Variants in CPED1 observed in about 807,000 individuals in gnomAD.
The protein encoded by CPED1 is cadherin-like and PC-esterase domain-containing protein 1.
In CPED1, 114 loss-of-function variants were observed where a neutral mutation model predicts 128.2. That is an observed-to-expected ratio of 0.89 (90% CI 0.76 to 1.04). The LOEUF is 1.04. Among genes scored for constraint, CPED1 ranks in the 50% least tolerant of loss-of-function variants. The pLI is 0.00. For synonymous variants in CPED1, 462 were observed against 426.7 expected (o/e 1.08, Z -1.02); for missense variants, 1,211 against 1,207.1 (o/e 1.00, Z -0.05).
chr7:121,116,989 CACAT>C (rs1795255455), intron 7 of CPED1, among the ~76,000 whole-genome samples: 2 of 147,692 alleles, frequency 1.4e-5, no homozygotes, highest in Non-Finnish European at 3.0e-5. Context: ...CACACACACA[CACAT>C]ATATATACAC....
intron 16 of CPED1, among the ~76,000 whole-genome samples, chr7:121,185,197 G>T (rs898150509): frequency 1.3e-5 from 2 of 152,058 alleles, no homozygotes; most frequent in Non-Finnish European, 2.9e-5. Flanking sequence ...ACAGTAGAAG[G>T]TTCCTGGAAA....
At chr7:121,245,751 C>T (rs1374159431) in intron 18 of CPED1, among the ~76,000 whole-genome samples, 7 of 147,806 alleles carry the variant, frequency 4.7e-5, no homozygotes, top group South Asian at 2.1e-4. Flanking sequence ...AGTGCAATGG[C>T]GTGATCTCAG....
At chr7:121,122,166 A>T (rs1795407467) in intron 7 of CPED1, among the ~76,000 whole-genome samples, 1 of 141,510 alleles carries the variant, frequency 7.1e-6, no homozygotes, top group Non-Finnish European at 1.5e-5. Flanking sequence ...TTTGAGACAG[A>T]GTCTCGCTCT....
chr7:121,080,765 G>A (rs7790569), intron 5 of CPED1, among the ~76,000 whole-genome samples: 136,195 of 152,090 alleles, frequency 0.9, 61,018 homozygotes, highest in Middle Eastern at 0.99. Context: ...TGAGAGGGAG[G>A]GAGAGAGTTT....
intron 3 of CPED1, among the ~76,000 whole-genome samples, chr7:121,025,353 TG>T (rs1792550843): frequency 6.6e-6 from 1 of 152,192 alleles, no homozygotes; most frequent in African/African-American, 2.4e-5. Flanking sequence ...AACTCCTTTT[TG>T]TTAGGAAATT....
chr7:121,224,628 T>C (rs1797958165), intron 16 of CPED1, among the ~76,000 whole-genome samples: 1 of 152,130 alleles, frequency 6.6e-6, no homozygotes, highest in Non-Finnish European at 1.5e-5. Flanking sequence ...ACTTGCTTTA[T>C]GAATCTGGGT....
intron 16 of CPED1, among the ~76,000 whole-genome samples, chr7:121,158,837 T>C (rs543911010): frequency 6.2e-4 from 95 of 152,300 alleles, no homozygotes; most frequent in Middle Eastern, 6.8e-3. Context: ...GACACTTCCA[T>C]GTGTAACTAG....
At chr7:121,047,046 C>G in intron 4 of CPED1, 53 bp downstream of exon 4, 15 of 1,043,118 alleles carry the variant, frequency 1.4e-5, no homozygotes, top group Non-Finnish European at 2.1e-5. Context: ...GATATTAACA[C>G]TGGCATTTCC....
chr7:121,054,830 CCCT>C (rs1375385041), intron 4 of CPED1, among the ~76,000 whole-genome samples: 1 of 152,096 alleles, frequency 6.6e-6, no homozygotes, highest in African/African-American at 2.4e-5. Flanking sequence ...TGAAGTCATC[CCCT>C]CCTGTGATCC....
chr7:121,276,369 G>A (rs1401715982), intron 22 of CPED1, among the ~76,000 whole-genome samples: 2 of 152,028 alleles, frequency 1.3e-5, no homozygotes, highest in East Asian at 1.9e-4. Flanking sequence ...TATTTTCCAC[G>A]TCTTTCTCCT....
chr7:121,251,817 T>G (rs1798679123), intron 18 of CPED1, among the ~76,000 whole-genome samples: 2 of 143,176 alleles, frequency 1.4e-5, no homozygotes, highest in Admixed American at 6.9e-5. Context: ...TAAAAGAGGA[T>G]ACAAACAAAT....
At chr7:121,141,161 A>T (rs1051998019) in intron 15 of CPED1, 148 bp downstream of exon 15, 13 of 557,254 alleles carry the variant, frequency 2.3e-5, no homozygotes, top group Non-Finnish European at 3.0e-5. Context: ...CATTTTTTTT[A>T]AAAAAGATTT....
At chr7:121,192,799 C>A (rs746638875) in intron 16 of CPED1, among the ~76,000 whole-genome samples, 2 of 152,044 alleles carry the variant, frequency 1.3e-5, no homozygotes, top group Non-Finnish European at 2.9e-5. Context: ...AATATTCACA[C>A]CCGATGACAA....
intron 17 of CPED1, among the ~76,000 whole-genome samples, chr7:121,242,590 A>G (rs1419065910): frequency 6.6e-6 from 1 of 152,200 alleles, no homozygotes; most frequent in Admixed American, 6.5e-5. Flanking sequence ...CTGAAATTGC[A>G]TAGAAAGTAT....
chr7:121,021,416 G>C (rs1291887739), intron 3 of CPED1, among the ~76,000 whole-genome samples: 1 of 151,882 alleles, frequency 6.6e-6, no homozygotes, highest in Non-Finnish European at 1.5e-5. Flanking sequence ...CTTGCCAAAA[G>C]CTGTTTCTGT....
chr7:121,253,376 T>A (rs946487996), intron 18 of CPED1, among the ~76,000 whole-genome samples: 55 of 151,152 alleles, frequency 3.6e-4, no homozygotes, highest in Admixed American at 5.3e-4. Flanking sequence ...GACGAGTTAA[T>A]GGGTGCAGCA....
At chr7:121,167,275 C>T (rs1796551383) in intron 16 of CPED1, among the ~76,000 whole-genome samples, 1 of 152,168 alleles carries the variant, frequency 6.6e-6, no homozygotes, top group African/African-American at 2.4e-5. Flanking sequence ...ACTCAGAGGT[C>T]ATGAAATCAG....
In CPED1 at chr7:121,015,835, G is replaced by A. The variant is rs34283669; in HGVS notation, c.420G>A (p.Gly140=). 1.1e-3 allele frequency: 1,641 copies of A among 1,555,386 alleles called. 12 individuals carry two copies. In the African/African-American group the frequency reaches 0.019, roughly 18 times the overall value. Reference sequence around the variant, plus strand: ...GGCTCAATGCTGGCCTAGGGCCGGGGCTACTAGAACAAGGTCAGAATAGTG... The same window carrying A: ...GGCTCAATGCTGGCCTAGGGCCGGGACTACTAGAACAAGGTCAGAATAGTG... ...EERLNAGLGP[G]LLEQGDLGSW... The change falls in exon 3 of 23, where the codon GGG becomes GGA. Residue 140 remains glycine, a synonymous_variant. Transcript: ENST00000310396.
chr7:121,096,688 C>T (rs745662918), intron 5 of CPED1, among the ~76,000 whole-genome samples: 12 of 152,004 alleles, frequency 7.9e-5, no homozygotes, highest in Non-Finnish European at 1.6e-4. Flanking sequence ...AAATACACAA[C>T]AATAAAGAAT....
Sources: allele counts gnomAD v4.1 joint callset (sites outside exome capture counted in the v4.1 genomes callset), GRCh38; gene constraint gnomAD v4.1.1; transcripts MANE v1.5; gene names NCBI Gene and HGNC (gene_info 2026-07-23, HGNC 2026-07-21).